PPP4R1: variants seen among roughly 807,000 people sequenced by gnomAD.
PPP4R1 encodes the protein serine/threonine-protein phosphatase 4 regulatory subunit 1.
PPP4R1 carries 42 observed loss-of-function variants against 111.2 expected under a neutral mutation model. The observed-to-expected ratio is 0.38, with a 90% confidence interval of 0.29 to 0.49. The LOEUF (loss-of-function observed/expected upper bound fraction) is 0.49. PPP4R1 is among the 20% of genes least tolerant of loss of function. The pLI, the probability that PPP4R1 is intolerant of heterozygous loss-of-function variation, is 0.97. For synonymous variants in PPP4R1, 409 were observed against 405.5 expected, an observed-to-expected ratio of 1.01 and a Z score of -0.10; for missense variants, 1,012 against 1,161.6, an observed-to-expected ratio of 0.87 and a Z score of 1.87.
chr18:9,569,854 G>A (rs1022048463), intron 11 of PPP4R1, among the ~76,000 whole-genome samples: 13 of 151,892 alleles, frequency 8.6e-5, no homozygotes, highest in Admixed American at 7.2e-4. Context: ...AAGCTCAAAC[G>A]ATCTCCCACC....
chr18:9,573,327 T>C (rs1344870915), intron 10 of PPP4R1, among the ~76,000 whole-genome samples: 4 of 152,158 alleles, frequency 2.6e-5, no homozygotes, highest in South Asian at 4.1e-4. Context: ...ACATAGTATT[T>C]TAAAAAGGTA....
chr18:9,561,930 A>T (rs1441914100), intron 13 of PPP4R1, 50 bp downstream of exon 13: 1 of 1,465,368 alleles, frequency 6.8e-7, no homozygotes, highest in African/African-American at 1.4e-5. Flanking sequence ...GGGCTCTAAA[A>T]GAGGAATTAG....
At chr18:9,610,258 T>C (rs2067554568) in intron 2 of PPP4R1, among the ~76,000 whole-genome samples, 1 of 152,174 alleles carries the variant, frequency 6.6e-6, no homozygotes, top group Non-Finnish European at 1.5e-5. Flanking sequence ...CATCTACAAT[T>C]TTGTATTGTC....
intron 8 of PPP4R1, among the ~76,000 whole-genome samples, chr18:9,583,638 A>C (rs1302283444): frequency 6.6e-6 from 1 of 152,172 alleles, no homozygotes; most frequent in Non-Finnish European, 1.5e-5. Flanking sequence ...AAGTGCTAGG[A>C]TTACAGGTGT....
intron 2 of PPP4R1, among the ~76,000 whole-genome samples, chr18:9,611,049 G>A (rs183025178): frequency 6.6e-6 from 1 of 152,180 alleles, no homozygotes; most frequent in African/African-American, 2.4e-5. Flanking sequence ...TCTTAGCAAT[G>A]TCTGGCAATG....
intron 6 of PPP4R1, among the ~76,000 whole-genome samples, chr18:9,586,886 T>C (rs2067125648): frequency 6.6e-6 from 1 of 152,184 alleles, no homozygotes; most frequent in Non-Finnish European, 1.5e-5. Flanking sequence ...TGCCCTATCA[T>C]GGCCTTCAAG....
intron 9 of PPP4R1, among the ~76,000 whole-genome samples, chr18:9,581,196 G>A (rs1372191244): frequency 2.0e-5 from 3 of 152,062 alleles, no homozygotes; most frequent in Non-Finnish European, 4.4e-5. Context: ...ATACATTAGG[G>A]GGATAAAAGA....
intron 6 of PPP4R1, among the ~76,000 whole-genome samples, chr18:9,586,163 ATT>A (rs2067113362): frequency 6.6e-6 from 1 of 151,818 alleles, no homozygotes. Flanking sequence ...AATAATTATT[ATT>A]TCTCTATCTA....
Position 9,557,467 on chromosome 18 carries a change from A to G in PPP4R1, c.2029-85T>C, listed in dbSNP as rs2066605650. 8.1e-6 allele frequency: 10 copies of G among 1,233,740 alleles called. No homozygotes were observed. The South Asian group carries it at 1.8e-4, about 22-fold the overall frequency. 76.4% of individuals were successfully genotyped at this position (1,233,740 alleles called of 1,614,324 possible). ...AGGCAATATACAAAGGCTAATTTATATATGAATGTTACTAACCTCAAAAAA... is the reference window on the plus strand; with the variant it reads ...AGGCAATATACAAAGGCTAATTTATGTATGAATGTTACTAACCTCAAAAAA... On this transcript the variant is annotated intron_variant, in intron 14 of 19. Coordinates refer to ENST00000400556, the MANE Select transcript of PPP4R1 (RefSeq NM_001042388.3).
rs561403787 is a variant in PPP4R1, at chr18:9,599,366, A to G, written c.53-4213T>C. Among the ~76,000 whole-genome samples the G allele has an allele frequency of 1.1e-4, 17 of 152,346 alleles. No homozygotes were observed. In the South Asian group the frequency reaches 3.5e-3, roughly 32 times the overall value. ...AGAAACACACATACACCAAAGACATATAACTACTAAGCCAGTACACCACCT... is the reference window on the plus strand; with the variant it reads ...AGAAACACACATACACCAAAGACATGTAACTACTAAGCCAGTACACCACCT... On this transcript the variant is annotated intron_variant, in intron 2 of 19. Transcript: ENST00000400556.
chr18:9,592,894 A>C (rs964523514), intron 4 of PPP4R1, among the ~76,000 whole-genome samples: 4 of 152,188 alleles, frequency 2.6e-5, no homozygotes, highest in African/African-American at 7.2e-5. Flanking sequence ...AAGCACATAC[A>C]TAAGCAATTA....
In PPP4R1 at chr18:9,614,004, T is replaced by C; in HGVS notation, c.52+222A>G. On this transcript the variant is annotated intron_variant, in intron 2 of 19. Transcript: ENST00000400556. The surrounding 1 kb of genome is among the most constrained non-coding windows in gnomAD (Gnocchi z 4.1). ...GAGAGCGAAGGGCGGAAAGCGAACT[T>C]GGGCGTTACTCCGGGCGTCTCCCTC... 3.3e-6 allele frequency: 1 copy of C among 301,226 alleles called. No homozygotes were observed. Among genetic ancestry groups the C allele is most frequent in the Non-Finnish European group, 6.0e-6 (1 of 165,968 alleles). The allele number at this position is 301,226 out of a possible 1,614,324, so 18.7% of individuals were successfully genotyped here.
chr18:9,568,642 T>C (rs1391655146), intron 11 of PPP4R1, among the ~76,000 whole-genome samples: 1 of 152,352 alleles, frequency 6.6e-6, no homozygotes, highest in African/African-American at 2.4e-5. Context: ...AAGTGACTAG[T>C]CTATGTCAGA....
intron 11 of PPP4R1, among the ~76,000 whole-genome samples, chr18:9,567,484 T>C (rs1617250): frequency 0.54 from 81,975 of 151,948 alleles, 22,319 homozygotes; most frequent in Middle Eastern, 0.66. Context: ...CTGTCCTCAG[T>C]TGGGATTACA....
intron 18 of PPP4R1, among the ~76,000 whole-genome samples, chr18:9,549,628 T>C (rs1332658875): frequency 3.3e-5 from 5 of 152,100 alleles, no homozygotes; most frequent in Non-Finnish European, 7.4e-5. Context: ...GTGGGAACCG[T>C]GGTATGGTAT....
intron 10 of PPP4R1, among the ~76,000 whole-genome samples, chr18:9,575,151 T>C (rs1169443012): frequency 2.0e-5 from 3 of 152,224 alleles, no homozygotes; most frequent in Non-Finnish European, 4.4e-5. Flanking sequence ...GGTGGAAATA[T>C]GTTGCCAAAA....
intron 18 of PPP4R1, 39 bp downstream of exon 18, chr18:9,550,013 G>GA (rs1366767560): frequency 3.1e-6 from 5 of 1,613,436 alleles, no homozygotes; most frequent in Non-Finnish European, 4.2e-6. Context: ...TCTTCTAGGA[G>GA]AAAAACTCAC....
At chr18:9,610,889 C>T (rs1447668422) in intron 2 of PPP4R1, among the ~76,000 whole-genome samples, 2 of 152,004 alleles carry the variant, frequency 1.3e-5, no homozygotes, top group African/African-American at 4.8e-5. Context: ...CACACACACA[C>T]ACACACAAAT....
At chr18:9,578,450 A>G (rs13381718) in intron 9 of PPP4R1, among the ~76,000 whole-genome samples, 30,216 of 151,576 alleles carry the variant, frequency 0.2, 3,318 homozygotes, top group East Asian at 0.49. Flanking sequence ...TGTTGCCCAG[A>G]CTGGTCTTGA....
Sources: allele counts gnomAD v4.1 joint callset (sites outside exome capture counted in the v4.1 genomes callset), GRCh38; gene constraint gnomAD v4.1.1; non-coding constraint Gnocchi (gnomAD v3.1); transcripts MANE v1.5; gene names NCBI Gene and HGNC (gene_info 2026-07-23, HGNC 2026-07-21).